Variants in MRTFB observed in about 807,000 individuals in gnomAD.
MRTFB encodes myocardin related transcription factor B.
Under a neutral mutation model 104.2 loss-of-function variants are expected in MRTFB, and 29 were observed. The ratio of observed to expected loss-of-function variants is 0.28; its 90% CI spans 0.21 to 0.38. The LOEUF (loss-of-function observed/expected upper bound fraction) is 0.38. Among genes scored for constraint, MRTFB ranks in the 10% least tolerant of loss-of-function variants. The probability of loss-of-function intolerance (pLI) is 1.00; values close to 1 mark genes in which losing one functional copy is unlikely to be tolerated. For synonymous variants in MRTFB, 535 were observed against 519.5 expected, an observed-to-expected ratio of 1.03 and a Z score of -0.41; for missense variants, 1,270 against 1,341.6, an observed-to-expected ratio of 0.95 and a Z score of 0.83.
At chr16:14,240,164 T>C in intron 9 of MRTFB, 73 bp from the exon 10 acceptor site, 1 of 1,479,098 alleles carries the variant, frequency 6.8e-7, no homozygotes, top group Non-Finnish European at 9.0e-7. Context: ...TTTCAAATCA[T>C]TTAGTCACGC....
chr16:14,206,067 C>T (rs2040927074), intron 3 of MRTFB, among the ~76,000 whole-genome samples: 1 of 151,718 alleles, frequency 6.6e-6, no homozygotes, highest in Admixed American at 6.6e-5. Flanking sequence ...TTTTTCCCCT[C>T]CATGCAGATA....
chr16:14,249,482 A>G (rs947071936), intron 13 of MRTFB, among the ~76,000 whole-genome samples: 1 of 152,362 alleles, frequency 6.6e-6, no homozygotes, highest in African/African-American at 2.4e-5. Context: ...CAAAATGTTT[A>G]TGCTGAGTAA....
chr16:14,232,989 A>C (rs537728742), intron 8 of MRTFB, among the ~76,000 whole-genome samples: 10 of 152,368 alleles, frequency 6.6e-5, no homozygotes, highest in African/African-American at 9.6e-5. Flanking sequence ...TGGTGTAAGT[A>C]AGTCCAAGTA....
At chr16:14,135,477 A>G (rs764115455) in intron 2 of MRTFB, among the ~76,000 whole-genome samples, 30 of 152,258 alleles carry the variant, frequency 2.0e-4, no homozygotes, top group Non-Finnish European at 3.1e-4. Flanking sequence ...CCTACTAGCC[A>G]TAGGCTATGC....
In MRTFB at chr16:14,258,157, T is replaced by C. The variant is rs758355980; in HGVS notation, c.2760T>C (p.Ser920=). ...MDDLFDILIK[S]GEISLPIKEE... is the part of the protein sequence containing the mutation. ...ACCTCTTTGATATCCTCATTAAGAG[T>C]GGAGGTAAGTCAAAAGTCACATCAG... The change falls in exon 16 of 17, where the codon AGT becomes AGC. Residue 920 remains serine (S), a synonymous_variant. Coordinates refer to ENST00000571589, the MANE Select transcript of MRTFB (RefSeq NM_001308142.2). 9.3e-6 allele frequency: 15 copies of C among 1,613,450 alleles called. No homozygotes were observed. Among genetic ancestry groups the C allele is most frequent in the Non-Finnish European group, 1.3e-5 (15 of 1,179,616 alleles).
At chr16:14,111,425 T>C (rs141871845) in intron 2 of MRTFB, among the ~76,000 whole-genome samples, 64 of 152,150 alleles carry the variant, frequency 4.2e-4, no homozygotes, top group East Asian at 4.1e-3. Flanking sequence ...CTGAAGGAGG[T>C]AGAAAATCCC....
intron 3 of MRTFB, among the ~76,000 whole-genome samples, chr16:14,176,060 A>G (rs1374969642): frequency 6.6e-6 from 1 of 151,410 alleles, no homozygotes; most frequent in Non-Finnish European, 1.5e-5. Context: ...CTCACTATAT[A>G]CTTTAAATGG....
intron 12 of MRTFB, chr16:14,248,646 G>A (rs143399625): frequency 0.01 from 3,344 of 320,066 alleles, 47 homozygotes; most frequent in Non-Finnish European, 0.011. Flanking sequence ...AACTGCCTTA[G>A]GTTCTTATTA....
intron 4 of MRTFB, 140 bp from the exon 5 acceptor site, chr16:14,212,214 A>G: frequency 1.4e-6 from 1 of 709,564 alleles, no homozygotes; most frequent in Non-Finnish European, 2.3e-6. Flanking sequence ...CAAATTTTGC[A>G]GGTCTCCTAA....
chr16:14,071,238 G>T (rs376444780), upstream of MRTFB: 4 of 153,194 alleles, frequency 2.6e-5, no homozygotes, highest in Admixed American at 1.3e-4. Context: ...AGCGTCCGGG[G>T]AGCGCGCCGA....
intron 15 of MRTFB, among the ~76,000 whole-genome samples, chr16:14,256,944 T>C (rs1362601770): frequency 6.6e-6 from 1 of 152,174 alleles, no homozygotes; most frequent in Admixed American, 6.5e-5. Flanking sequence ...GAACAGATAT[T>C]TTCCCAAAGA....
intron 2 of MRTFB, among the ~76,000 whole-genome samples, chr16:14,129,367 C>A (rs1052049720): frequency 3.9e-5 from 6 of 152,124 alleles, no homozygotes; most frequent in Non-Finnish European, 7.4e-5. Context: ...CTTAAAATTT[C>A]ATCCGTGTTG....
intron 9 of MRTFB, 48 bp downstream of exon 9, chr16:14,234,331 C>T: frequency 1.3e-6 from 2 of 1,577,768 alleles, no homozygotes; most frequent in Non-Finnish European, 1.7e-6. Context: ...ATTTGTGACT[C>T]TGTCTATAAC....
At chr16:14,183,935 T>G (rs2039854112) in intron 3 of MRTFB, among the ~76,000 whole-genome samples, 1 of 151,990 alleles carries the variant, frequency 6.6e-6, no homozygotes, top group Non-Finnish European at 1.5e-5. Context: ...TAACACACAC[T>G]GAAGATACAT....
the MRTFB span, among the ~76,000 whole-genome samples, chr16:14,017,659 G>GTATT: frequency 3.2e-5 from 2 of 62,532 alleles, no homozygotes; most frequent in African/African-American, 9.5e-5. Flanking sequence ...GTGTGTGTGT[G>GTATT]TGTGTATTTG....
the MRTFB span, chr16:14,009,739 T>TC: frequency 7.9e-5 from 12 of 152,120 alleles, no homozygotes; most frequent in Non-Finnish European, 1.2e-4. Context: ...TTTGCTCTTC[T>TC]CCCCCCAACA....
intron 8 of MRTFB, among the ~76,000 whole-genome samples, chr16:14,232,819 C>T (rs1406629521): frequency 3.3e-5 from 5 of 152,128 alleles, no homozygotes; most frequent in African/African-American, 4.8e-5. Flanking sequence ...GCTAATAGCC[C>T]TCCAAGTTTT....
At chr16:14,016,034 T>C in the MRTFB span, 1 of 398,608 alleles carries the variant, frequency 2.5e-6, no homozygotes, top group East Asian at 3.6e-5. Context: ...CTCCAAAATA[T>C]TTCTTGTCAG....
In MRTFB at chr16:14,247,372, A is replaced by G. The variant is rs767017180; in HGVS notation, c.2112A>G (p.Gly704=). The change falls in exon 12 of 17, where the codon GGA becomes GGG. Residue 704 remains glycine, a synonymous_variant. Transcript: ENST00000571589. Reference sequence around the variant, plus strand: ...CGCAGTTTTATGTGAGTTCCCAGGGACAGCCACCGCCTGCTGTTGTTGCTC... The same window carrying G: ...CGCAGTTTTATGTGAGTTCCCAGGGGCAGCCACCGCCTGCTGTTGTTGCTC... ...VVSQFYVSSQ[G]QPPPAVVAQP... is the part of the protein sequence containing the mutation. 6.2e-6 allele frequency: 10 copies of G among 1,613,960 alleles called. No individual in the cohort carries two copies. The highest frequency in any genetic ancestry group is 8.5e-7 in the Non-Finnish European group (1 of 1,180,050).
Sources: gnomAD v4.1 joint callset for allele counts (sites outside exome capture counted in the v4.1 genomes callset) on GRCh38, gnomAD v4.1.1 for gene constraint, MANE v1.5 for transcripts, NCBI Gene and HGNC (gene_info 2026-07-23, HGNC 2026-07-21) for gene names.